WDPCP: variants seen among roughly 807,000 people sequenced by gnomAD.
WDPCP encodes the protein WD repeat-containing and planar cell polarity effector protein fritz homolog.
In WDPCP, 71 loss-of-function variants were observed where a neutral mutation model predicts 93.1. The observed-to-expected ratio is 0.76, with a 90% CI of 0.63 to 0.93. WDPCP has a LOEUF of 0.93. WDPCP is among the 40% of genes least tolerant of loss of function. The pLI, the probability that WDPCP is intolerant of heterozygous loss-of-function variation, is 0.00. For synonymous variants in WDPCP, 315 were observed against 315.0 expected, an observed-to-expected ratio of 1.00 and a Z score of 0.00; for missense variants, 844 against 887.4, an observed-to-expected ratio of 0.95 and a Z score of 0.62.
At chr2:63,497,605 G>T (rs762795016) in intron 1 of WDPCP, among the ~76,000 whole-genome samples, 1 of 152,156 alleles carries the variant, frequency 6.6e-6, no homozygotes, top group Non-Finnish European at 1.5e-5. Context: ...CAAGGTGGGA[G>T]AGGACCAAAT....
intron 1 of WDPCP, among the ~76,000 whole-genome samples, chr2:63,532,544 G>C (rs187872499): frequency 6.6e-6 from 1 of 152,158 alleles, no homozygotes; most frequent in Non-Finnish European, 1.5e-5. Flanking sequence ...AATACAGTGG[G>C]GGCCAATATT....
At chr2:63,652,537 C>T (rs897852462) in intron 2 of WDPCP, among the ~76,000 whole-genome samples, 3 of 152,290 alleles carry the variant, frequency 2.0e-5, no homozygotes, top group African/African-American at 7.2e-5. Context: ...ATGGCTTCCT[C>T]GCCTGCCACA....
chr2:63,686,093 G>C (rs1462851672), intron 2 of WDPCP, among the ~76,000 whole-genome samples: 1 of 152,080 alleles, frequency 6.6e-6, no homozygotes, highest in Non-Finnish European at 1.5e-5. Flanking sequence ...CATATTACTG[G>C]AAGTCTTCAC....
intron 1 of WDPCP, among the ~76,000 whole-genome samples, chr2:63,575,564 T>TGTATATATAGTATATACAGTATATAC (rs1558833924): frequency 2.2e-5 from 1 of 45,474 alleles, no homozygotes. Context: ...ACAGTATATA[T>TGTATATATAGTATATACAGTATATAC]ACTATATAAC....
Position 63,744,537 on chromosome 2 carries a change from G to T in WDPCP, n.308+69085C>A, listed in dbSNP as rs17028142. Among the ~76,000 whole-genome samples the T allele has an allele frequency of 1.7e-3, 265 of 152,112 alleles. 3 individuals carry two copies. In the East Asian group the frequency reaches 0.038, roughly 22 times the overall value. ...CAAGGACACAGAACTCAGACTCTCTGGAAAACAACGTCTCTCATATACTGT... is the reference window on the plus strand; with the variant it reads ...CAAGGACACAGAACTCAGACTCTCTTGAAAACAACGTCTCTCATATACTGT... On this transcript the variant is annotated intron_variant and non_coding_transcript_variant, in intron 2 of 4. Transcript: ENST00000467687.
At chr2:63,822,714 T>C (rs2104133833) in intron 1 of WDPCP, among the ~76,000 whole-genome samples, 1 of 152,114 alleles carries the variant, frequency 6.6e-6, no homozygotes, top group East Asian at 1.9e-4. Context: ...AGCAAGACCC[T>C]GTCTCTAAAA....
intron 13 of WDPCP, among the ~76,000 whole-genome samples, chr2:63,310,103 A>G (rs1365195867): frequency 6.6e-6 from 1 of 152,208 alleles, no homozygotes; most frequent in African/African-American, 2.4e-5. Flanking sequence ...TATAAAATAT[A>G]TACTAGAACT....
intron 15 of WDPCP, among the ~76,000 whole-genome samples, chr2:63,157,289 G>A (rs1481153312): frequency 2.0e-5 from 3 of 151,858 alleles, no homozygotes; most frequent in Admixed American, 1.3e-4. Context: ...CTATATGTAT[G>A]AGAGACAGTA....
chr2:63,571,132 C>G (rs546739536), intron 1 of WDPCP, among the ~76,000 whole-genome samples: 8 of 152,018 alleles, frequency 5.3e-5, no homozygotes, highest in African/African-American at 1.9e-4. Flanking sequence ...AGTATGGTCT[C>G]GATCTCCTGA....
At chr2:63,588,974 G>A, upstream of WDPCP, 1 of 1,609,960 alleles carries the variant, frequency 6.2e-7, no homozygotes, top group Non-Finnish European at 8.5e-7. Flanking sequence ...AGTCAGTTCC[G>A]CGGTAGAGGT....
intron 2 of WDPCP, among the ~76,000 whole-genome samples, chr2:63,728,753 C>G (rs187614291): frequency 1.3e-5 from 2 of 152,124 alleles, no homozygotes; most frequent in African/African-American, 4.8e-5. Context: ...CATTCCCATG[C>G]CATCATGGAC....
intron 14 of WDPCP, among the ~76,000 whole-genome samples, chr2:63,234,949 T>C (rs1679253168): frequency 6.6e-6 from 1 of 152,162 alleles, no homozygotes. Context: ...ATAAACATCA[T>C]TAAGCTCTTC....
chr2:63,758,026 A>C (rs1423478733), intron 2 of WDPCP, among the ~76,000 whole-genome samples: 1 of 152,140 alleles, frequency 6.6e-6, no homozygotes, highest in Non-Finnish European at 1.5e-5. Flanking sequence ...TTATTAATTC[A>C]TTGAAATTAT....
Position 63,486,123 on chromosome 2 carries a change from C to A in WDPCP, c.253+419G>T, listed in dbSNP as rs185375390. Among the ~76,000 whole-genome samples, 327 of 151,718 alleles carry A rather than the reference C, an allele frequency of 2.2e-3. 2 individuals carry two copies. In the Middle Eastern group the frequency reaches 0.031, roughly 14 times the overall value. ...TTGTCGCCATAATATATACAACATA[C>A]TTATATACTGGAGATCAGAAAAGAC... On this transcript the variant is annotated intron_variant, in intron 4 of 17. Coordinates refer to ENST00000272321, the MANE Select transcript of WDPCP (RefSeq NM_015910.7).
At chr2:63,405,586 T>TGTGTGTGTGTGTG (rs1491184912) in intron 9 of WDPCP, among the ~76,000 whole-genome samples, 41 of 98,924 alleles carry the variant, frequency 4.1e-4, no homozygotes, top group African/African-American at 1.5e-3. Context: ...TGTGTGTGTG[T>TGTGTGTGTGTGTG]TGGCGGGGGT....
At chr2:63,286,050 C>T (rs1390108762) in intron 13 of WDPCP, among the ~76,000 whole-genome samples, 10 of 152,006 alleles carry the variant, frequency 6.6e-5, no homozygotes, top group Admixed American at 6.6e-4. Context: ...CTCTGTCACC[C>T]AAGCTGAGGG....
chr2:63,589,329 T>C (rs748275780), upstream of WDPCP: 1 of 1,550,624 alleles, frequency 6.4e-7, no homozygotes, highest in Non-Finnish European at 8.7e-7. Context: ...GAGGACAAAA[T>C]GCGACGCTGC....
chr2:63,474,277 T>A (rs1179229964), intron 6 of WDPCP, among the ~76,000 whole-genome samples: 1 of 152,060 alleles, frequency 6.6e-6, no homozygotes, highest in African/African-American at 2.4e-5. Context: ...TTTACACACA[T>A]AAATACATAT....
chr2:63,377,790 CATGTAT>C (rs2104850701), intron 12 of WDPCP: 1 of 51,038 alleles, frequency 2.0e-5, no homozygotes, highest in African/African-American at 2.0e-4. Flanking sequence ...TTCTGAACTT[CATGTAT>C]ATATATATAT....
Sources: gnomAD v4.1 joint callset for allele counts (sites outside exome capture counted in the v4.1 genomes callset) on GRCh38, gnomAD v4.1.1 for gene constraint, MANE v1.5 for transcripts, NCBI Gene and HGNC (gene_info 2026-07-23, HGNC 2026-07-21) for gene names.